ADAM2: variants seen among roughly 807,000 people sequenced by gnomAD.
ADAM2 encodes the protein disintegrin and metalloproteinase domain-containing protein 2.
In ADAM2, 101 loss-of-function variants were observed where a neutral mutation model predicts 99.3. That is an observed-to-expected ratio of 1.02 (90% CI 0.87 to 1.20). The LOEUF (loss-of-function observed/expected upper bound fraction) is 1.20, where lower values mean the gene tolerates loss of function less well. Among genes scored for constraint, ADAM2 ranks in the 50% most tolerant of loss-of-function variants. The pLI is 0.00. For synonymous variants in ADAM2, 323 were observed against 287.6 expected (o/e 1.12, Z -1.25); for missense variants, 948 against 878.7 (o/e 1.08, Z -1.00).
chr8:39,758,969 T>G (rs1035395756), intron 15 of ADAM2, among the ~76,000 whole-genome samples: 3 of 152,052 alleles, frequency 2.0e-5, no homozygotes, highest in Admixed American at 6.6e-5. Context: ...TACAGTACAT[T>G]TCTAGATAAT....
At chr8:39,804,974 G>A (rs898155921) in intron 7 of ADAM2, among the ~76,000 whole-genome samples, 3 of 152,142 alleles carry the variant, frequency 2.0e-5, no homozygotes, top group Admixed American at 2.0e-4. Context: ...ATCACAAGCT[G>A]AGTAGCTTAT....
At chr8:39,826,489 C>T (rs960850941) in intron 3 of ADAM2, among the ~76,000 whole-genome samples, 3 of 151,974 alleles carry the variant, frequency 2.0e-5, no homozygotes, top group Non-Finnish European at 2.9e-5. Flanking sequence ...TTTGGAAAGC[C>T]GAGGCGGGTA....
rs1563356894 is a variant in ADAM2 at position 39,786,976 on chromosome 8, G to T, written c.889C>A (p.Leu297Met). 6.3e-7 allele frequency: 1 copy of T among 1,586,260 alleles called. No homozygotes were observed. The highest frequency in any genetic ancestry group is 8.6e-7 in the Non-Finnish European group (1 of 1,166,252). Residue 297 changes from leucine to methionine, a missense_variant and splice_region_variant, in exon 10 of 21, where the codon CTG becomes ATG. By Grantham distance (15) the Leu-to-Met change is conservative (BLOSUM62 2). Coordinates refer to ENST00000265708, the MANE Select transcript of ADAM2 (RefSeq NM_001464.5). ...CDANYAGGVVLHPRTISLESL... is the reference protein window; with the variant it reads ...CDANYAGGVVMHPRTISLESL... Reference sequence around the variant, plus strand: ...TTCTATACATAACCATACCATACCAGAACAACACCTCCTGCATAGTTTGCA... The same window carrying T: ...TTCTATACATAACCATACCATACCATAACAACACCTCCTGCATAGTTTGCA...
chr8:39,797,756 C>G (rs1041225945), intron 7 of ADAM2, among the ~76,000 whole-genome samples: 6 of 152,298 alleles, frequency 3.9e-5, no homozygotes, highest in African/African-American at 1.4e-4. Flanking sequence ...AGGTCCTTCA[C>G]ATCCTTTGTT....
chr8:39,772,231 C>CT (rs5891069), intron 11 of ADAM2, among the ~76,000 whole-genome samples: 7,658 of 150,730 alleles, frequency 0.051, 617 homozygotes, highest in African/African-American at 0.18. Context: ...TATTCTCTCA[C>CT]TTTTTTTTTA....
intron 16 of ADAM2, among the ~76,000 whole-genome samples, chr8:39,752,794 GGCAGTTCCCCT>G (rs1801996439): frequency 6.6e-6 from 1 of 152,000 alleles, no homozygotes; most frequent in Admixed American, 6.6e-5. Flanking sequence ...TTTTATAAAG[GGCAGTTCCCCT>G]GCACACACTC....
intron 10 of ADAM2, among the ~76,000 whole-genome samples, chr8:39,779,253 C>A (rs1424175066): frequency 6.6e-6 from 1 of 152,098 alleles, no homozygotes; most frequent in Non-Finnish European, 1.5e-5. Flanking sequence ...TGGTTGGCAT[C>A]TGCTGAGACC....
intron 6 of ADAM2, among the ~76,000 whole-genome samples, chr8:39,814,053 G>C (rs1344885857): frequency 2.6e-5 from 4 of 151,982 alleles, no homozygotes; most frequent in Non-Finnish European, 4.4e-5. Flanking sequence ...AAGGTGGTCA[G>C]ATGCCAATTT....
intron 3 of ADAM2, among the ~76,000 whole-genome samples, chr8:39,827,668 G>A (rs1357395051): frequency 6.6e-6 from 1 of 152,110 alleles, no homozygotes; most frequent in Non-Finnish European, 1.5e-5. Flanking sequence ...TTTATATGGA[G>A]AGTCTAAAAA....
intron 10 of ADAM2, among the ~76,000 whole-genome samples, chr8:39,777,549 T>TG (rs1460380299): frequency 6.6e-6 from 1 of 151,946 alleles, no homozygotes; most frequent in Non-Finnish European, 1.5e-5. Context: ...TAGTACAAAG[T>TG]GGGGGATAAA....
At chr8:39,796,529 T>G (rs1803958196) in intron 7 of ADAM2, among the ~76,000 whole-genome samples, 1 of 152,196 alleles carries the variant, frequency 6.6e-6, no homozygotes, top group Non-Finnish European at 1.5e-5. Flanking sequence ...TAGGGTAGAA[T>G]GATTTATATT....
rs1197228308 is a variant in ADAM2 at position 39,816,248 on chromosome 8, G to A, written c.513+4754C>T. On this transcript the variant is annotated intron_variant, in intron 6 of 20. Transcript: ENST00000265708. ...GGAGGTGGAGGTTGCAGTGAGCAGA[G>A]ATCACGCCATTGCACTCCAGCCTGG... Among the ~76,000 whole-genome samples, 3 of 152,118 alleles carry A rather than the reference G, an allele frequency of 2.0e-5. No homozygotes were observed. In the East Asian group the frequency reaches 5.8e-4, roughly 29 times the overall value.
chr8:39,757,396 G>A (rs2129583447), intron 15 of ADAM2, among the ~76,000 whole-genome samples: 1 of 152,274 alleles, frequency 6.6e-6, no homozygotes, highest in Admixed American at 6.5e-5. Context: ...CAGATATTCT[G>A]TAGATGTGGC....
At chr8:39,791,544 T>A (rs1803714330) in intron 7 of ADAM2, among the ~76,000 whole-genome samples, 1 of 152,082 alleles carries the variant, frequency 6.6e-6, no homozygotes, top group African/African-American at 2.4e-5. Context: ...AGGTGACTGC[T>A]GGCTCCTTTA....
chr8:39,776,334 G>A (rs973318219), intron 11 of ADAM2, among the ~76,000 whole-genome samples: 1 of 152,090 alleles, frequency 6.6e-6, no homozygotes, highest in Non-Finnish European at 1.5e-5. Context: ...GAGCAGCAGT[G>A]CGGGAATGGA....
At chr8:39,831,691 C>T (rs576029290) in intron 3 of ADAM2, among the ~76,000 whole-genome samples, 1 of 152,088 alleles carries the variant, frequency 6.6e-6, no homozygotes, top group East Asian at 1.9e-4. Flanking sequence ...GAAAAATATT[C>T]TTGAAGAGTA....
chr8:39,776,836 G>T (rs1167695763), intron 11 of ADAM2, among the ~76,000 whole-genome samples, 189 bp downstream of exon 11: 1 of 152,126 alleles, frequency 6.6e-6, no homozygotes, highest in Non-Finnish European at 1.5e-5. Flanking sequence ...GAGAAAGCCA[G>T]TGTGACATTT....
intron 7 of ADAM2, among the ~76,000 whole-genome samples, chr8:39,796,479 G>C (rs568726946): frequency 7.2e-5 from 11 of 152,230 alleles, no homozygotes; most frequent in Admixed American, 2.0e-4. Context: ...CTTTGCTATT[G>C]TAAGTAGTGC....
At chr8:39,790,648 A>C (rs1803671260) in intron 7 of ADAM2, among the ~76,000 whole-genome samples, 1 of 151,998 alleles carries the variant, frequency 6.6e-6, no homozygotes, top group Non-Finnish European at 1.5e-5. Context: ...TATACTAAAA[A>C]CCATGGAATT....
Sources: gnomAD v4.1 joint callset for allele counts (sites outside exome capture counted in the v4.1 genomes callset) on GRCh38, gnomAD v4.1.1 for gene constraint, MANE v1.5 for transcripts, NCBI Gene and HGNC (gene_info 2026-07-23, HGNC 2026-07-21) for gene names.